Variants in CSMD1 observed in about 807,000 individuals in gnomAD.
CSMD1 encodes the protein CUB and Sushi multiple domains 1.
Under a neutral mutation model 417.5 loss-of-function variants are expected in CSMD1, and 213 were observed. That is an observed-to-expected ratio of 0.51 (90% CI 0.46 to 0.57). The LOEUF is 0.57. CSMD1 is among the 20% of genes least tolerant of loss of function. The pLI is 0.00. For missense variants in CSMD1, 6,923 were observed against 4,529.7 expected (o/e 1.53, Z -15.17); for synonymous variants, 2,862 against 1,736.8 (o/e 1.65, Z -16.11).
chr8:3,169,556 T>C (rs148969906), intron 37 of CSMD1, among the ~76,000 whole-genome samples: 1 of 151,378 alleles, frequency 6.6e-6, no homozygotes, highest in East Asian at 2.0e-4. Context: ...GAGTGCAGAG[T>C]TTTGCAAGAT....
At chr8:4,591,579 G>T (rs184183974) in intron 2 of CSMD1, among the ~76,000 whole-genome samples, 6 of 152,148 alleles carry the variant, frequency 3.9e-5, no homozygotes, top group Non-Finnish European at 2.9e-5. Flanking sequence ...TCTCTTGGGA[G>T]CAGATGCAAG....
chr8:4,741,568 T>G (rs73661108), intron 1 of CSMD1, among the ~76,000 whole-genome samples: 1 of 152,238 alleles, frequency 6.6e-6, no homozygotes, highest in Non-Finnish European at 1.5e-5. Flanking sequence ...CTGGAGGTTT[T>G]AGATCTTAAC....
chr8:3,606,521 G>A (rs1333614502), intron 8 of CSMD1, among the ~76,000 whole-genome samples: 1 of 152,116 alleles, frequency 6.6e-6, no homozygotes, highest in African/African-American at 2.4e-5. Context: ...CCTATGAATG[G>A]AGCTGGCAGG....
intron 6 of CSMD1, among the ~76,000 whole-genome samples, chr8:3,710,817 G>C (rs78347988): frequency 0.029 from 4,339 of 152,234 alleles, 186 homozygotes; most frequent in African/African-American, 0.096. Flanking sequence ...GCACAGGGAA[G>C]ACTATGCAGA....
At chr8:4,709,906 C>G (rs559138064) in intron 1 of CSMD1, among the ~76,000 whole-genome samples, 1 of 151,986 alleles carries the variant, frequency 6.6e-6, no homozygotes, top group African/African-American at 2.4e-5. Context: ...TGAAATGGCC[C>G]AAGGATTGAA....
At chr8:3,097,287 C>G (rs7838905) in intron 46 of CSMD1, among the ~76,000 whole-genome samples, 57,384 of 152,014 alleles carry the variant, frequency 0.38, 11,888 homozygotes, top group Non-Finnish European at 0.46. Flanking sequence ...ATCTCCCACA[C>G]ACCTTAATTT....
At chr8:4,885,243 G>A (rs1228654248) in intron 1 of CSMD1, among the ~76,000 whole-genome samples, 1 of 151,944 alleles carries the variant, frequency 6.6e-6, no homozygotes, top group Non-Finnish European at 1.5e-5. Context: ...GAATTTCTTA[G>A]CATTTTCCAT....
At chr8:4,587,631 G>C (rs550365112) in intron 2 of CSMD1, among the ~76,000 whole-genome samples, 1 of 152,226 alleles carries the variant, frequency 6.6e-6, no homozygotes, top group South Asian at 2.1e-4. Context: ...TCAGACTCAT[G>C]ATCACGATCT....
At chr8:4,083,087 T>G (rs550298803) in intron 3 of CSMD1, among the ~76,000 whole-genome samples, 35 of 152,192 alleles carry the variant, frequency 2.3e-4, no homozygotes, top group South Asian at 1.5e-3. Flanking sequence ...ATGTGCATGT[T>G]TCTTTATAGC....
At chr8:3,324,238 G>T (rs146999495) in intron 23 of CSMD1, among the ~76,000 whole-genome samples, 1,895 of 134,606 alleles carry the variant, frequency 0.014, 65 homozygotes, top group East Asian at 0.075. Context: ...CCCGGGAGGG[G>T]GAGTTTCCTT....
chr8:4,863,239 G>C (rs557595214), intron 1 of CSMD1, among the ~76,000 whole-genome samples: 1 of 152,204 alleles, frequency 6.6e-6, no homozygotes, highest in East Asian at 1.9e-4. Flanking sequence ...ATAATCATGT[G>C]TTTTGAGAAT....
chr8:4,049,880 G>C lies in CSMD1; in HGVS notation c.416-17781C>G, dbSNP rs144932798. Among the ~76,000 whole-genome samples the C allele has an allele frequency of 2.0e-5, 3 of 149,244 alleles. No individual in the cohort carries two copies. In the Admixed American group the frequency reaches 2.0e-4, roughly 10 times the overall value. The stretch of plus-strand genomic sequence containing the variant: ...ACTAAAGTCTTATTGAATTATCTTA[G>C]CTTTTAAGTAACGTTCGCTTTCTGT... On this transcript the variant is annotated intron_variant, in intron 3 of 69. Transcript: ENST00000635120.
chr8:4,387,382 A>G (rs1249583164), intron 3 of CSMD1, among the ~76,000 whole-genome samples: 1 of 152,214 alleles, frequency 6.6e-6, no homozygotes, highest in South Asian at 2.1e-4. Context: ...TATGTGTTAA[A>G]TAATCATGGA....
At chr8:4,543,002 A>G (rs1797468305) in intron 2 of CSMD1, among the ~76,000 whole-genome samples, 2 of 152,272 alleles carry the variant, frequency 1.3e-5, no homozygotes, top group South Asian at 4.1e-4. Context: ...GATAGTCTAT[A>G]TTTTAGAGTA....
chr8:3,831,094 C>G (rs1248164103), intron 5 of CSMD1, among the ~76,000 whole-genome samples: 2 of 152,096 alleles, frequency 1.3e-5, no homozygotes, highest in Non-Finnish European at 2.9e-5. Flanking sequence ...TATTGAGTGT[C>G]CAATACCATT....
At chr8:2,991,488 T>G (rs2128948254) in intron 54 of CSMD1, among the ~76,000 whole-genome samples, 1 of 152,334 alleles carries the variant, frequency 6.6e-6, no homozygotes, top group Non-Finnish European at 1.5e-5. Context: ...GGCCTTATCC[T>G]AAGACTTTTG....
chr8:4,064,690 C>T (rs1388689103), intron 3 of CSMD1, among the ~76,000 whole-genome samples: 1 of 152,234 alleles, frequency 6.6e-6, no homozygotes, highest in Admixed American at 6.5e-5. Context: ...ACTGCTGCTG[C>T]CCTGGCGTGT....
intron 3 of CSMD1, among the ~76,000 whole-genome samples, chr8:4,239,209 C>T (rs530699984): frequency 5.9e-5 from 9 of 152,272 alleles, no homozygotes; most frequent in Admixed American, 5.9e-4. Flanking sequence ...ACAGTTGAGT[C>T]TCACGTTTCA....
chr8:3,304,436 C>A (rs567813813), intron 25 of CSMD1, among the ~76,000 whole-genome samples: 2 of 151,940 alleles, frequency 1.3e-5, no homozygotes, highest in East Asian at 1.9e-4. Flanking sequence ...TATGGTTTTG[C>A]CAGATCACCA....
Sources: allele counts gnomAD v4.1 joint callset (sites outside exome capture counted in the v4.1 genomes callset), GRCh38; gene constraint gnomAD v4.1.1; transcripts MANE v1.5; gene names NCBI Gene and HGNC (gene_info 2026-07-23, HGNC 2026-07-21).